Variants in GAB1 observed in about 807,000 individuals in gnomAD.
The protein encoded by GAB1 is GRB2-associated-binding protein 1.
Under a neutral mutation model 66.5 loss-of-function variants are expected in GAB1, and 19 were observed. The observed-to-expected ratio is 0.29, with a 90% CI of 0.20 to 0.42. The LOEUF (loss-of-function observed/expected upper bound fraction) is 0.42. Among genes scored for constraint, GAB1 ranks in the 10% least tolerant of loss-of-function variants. GAB1 has a pLI of 1.00. For synonymous variants in GAB1, 294 were observed against 301.4 expected (o/e 0.98, Z 0.25); for missense variants, 732 against 858.5 (o/e 0.85, Z 1.84).
intron 1 of GAB1, among the ~76,000 whole-genome samples, chr4:143,378,629 G>GTCTCTCTCTCTCTCTCTCTC (rs3049720): frequency 4.6e-5 from 6 of 129,234 alleles, no homozygotes; most frequent in East Asian, 4.7e-4. Flanking sequence ...CTTCCAAAGT[G>GTCTCTCTCTCTCTCTCTCTC]TCTCTCTCTC....
intron 1 of GAB1, among the ~76,000 whole-genome samples, chr4:143,354,863 T>G (rs1384703551): frequency 3.9e-5 from 6 of 152,214 alleles, no homozygotes; most frequent in Non-Finnish European, 8.8e-5. Context: ...ACAATACATT[T>G]TTTAGCAAAT....
At chr4:143,392,204 A>T (rs1245316912) in intron 1 of GAB1, among the ~76,000 whole-genome samples, 1 of 152,210 alleles carries the variant, frequency 6.6e-6, no homozygotes, top group Non-Finnish European at 1.5e-5. Context: ...GTTAATAGGG[A>T]AGAAAGTAGA....
chr4:143,466,038 T>TC, intron 8 of GAB1, 65 bp from the exon 9 acceptor site: 1 of 1,574,300 alleles, frequency 6.4e-7, no homozygotes, highest in South Asian at 1.2e-5. Flanking sequence ...CCGTAGATGT[T>TC]CAACAGTACG....
At chr4:143,457,901 A>G in intron 6 of GAB1, 4 of 587,376 alleles carry the variant, frequency 6.8e-6, no homozygotes, top group Non-Finnish European at 1.2e-5. Context: ...CCTGCACATT[A>G]TTTCTAAAGT....
At chr4:143,374,936 TA>T (rs1407878665) in intron 1 of GAB1, among the ~76,000 whole-genome samples, 1 of 152,216 alleles carries the variant, frequency 6.6e-6, no homozygotes, top group Non-Finnish European at 1.5e-5. Context: ...ATTCTTGGAA[TA>T]CTTTTTCAAG....
intron 6 of GAB1, among the ~76,000 whole-genome samples, chr4:143,452,520 A>G (rs1019637159): frequency 6.6e-6 from 1 of 152,232 alleles, no homozygotes; most frequent in Non-Finnish European, 1.5e-5. Context: ...TATTAGACCA[A>G]GAATCCAAAA....
rs1205834995 is a variant in GAB1 at position 143,459,432 on chromosome 4, T to C, written c.1633T>C (p.Leu545=). Residue 545 remains leucine (L), a synonymous_variant, in exon 7 of 10, where the codon TTA becomes CTA. Transcript: ENST00000262994. ...EIKPLPEWEE[L]QAPVRSPITR... ...AAAACCTTTGCCAGAATGGGAAGAATTACAAGCCCCAGTTAGATCTCCCAT... is the reference window on the plus strand; with the variant it reads ...AAAACCTTTGCCAGAATGGGAAGAACTACAAGCCCCAGTTAGATCTCCCAT... 1 of 1,610,894 alleles carries C rather than the reference T, an allele frequency of 6.2e-7. No homozygotes were observed. The highest frequency in any genetic ancestry group is 1.7e-5 in the Admixed American group (1 of 60,004).
At chr4:143,370,730 G>C (rs1730084475) in intron 1 of GAB1, among the ~76,000 whole-genome samples, 1 of 152,128 alleles carries the variant, frequency 6.6e-6, no homozygotes, top group Non-Finnish European at 1.5e-5. Flanking sequence ...CCCGGGGTGT[G>C]ATGTTCCCTG....
Position 143,438,127 on chromosome 4 carries a change from T to C in GAB1, c.722T>C (p.Ile241Thr). ...GMNGFFQQQMIYDSPPSRAPS... is the reference protein window; with the variant it reads ...GMNGFFQQQMTYDSPPSRAPS... ...AATGGCTTTTTTCAGCAGCAAATGA[T>C]ATACGACTCTCCACCTTCACGTGCC... The change falls in exon 4 of 10, where the codon ATA becomes ACA. Residue 241 changes from isoleucine (I) to threonine (T), a missense_variant. This residue lies in a region of GAB1 where 427 missense variants were observed against 420.6 expected (regional missense o/e 1.02). Transcript: ENST00000262994. 1 of 1,614,120 alleles carries C rather than the reference T, an allele frequency of 6.2e-7. No homozygotes were observed. Among genetic ancestry groups the C allele is most frequent in the Non-Finnish European group, 8.5e-7 (1 of 1,180,018 alleles).
chr4:143,356,043 A>G (rs1729432835), intron 1 of GAB1, among the ~76,000 whole-genome samples: 1 of 151,902 alleles, frequency 6.6e-6, no homozygotes, highest in African/African-American at 2.4e-5. Context: ...GTCTGTGTGG[A>G]TGAAGAAACA....
In GAB1 at chr4:143,360,400, TAAAAAACC is replaced by T. The variant is rs557827044; in HGVS notation, c.72+23141_72+23148del. On this transcript the variant is annotated intron_variant, in intron 1 of 9. Transcript: ENST00000262994. The stretch of plus-strand genomic sequence containing the variant: ...AAGTTTTGTTTTTTGAACTAAAGGT[TAAAAAACC>T]TGCATTCATGGAATTGTTGCCTTTT... Among the ~76,000 whole-genome samples the T allele has an allele frequency of 2.3e-3, 354 of 152,316 alleles. 1 individual carries two copies. Among genetic ancestry groups the T allele is most frequent in the African/African-American group, 8.1e-3 (337 of 41,560 alleles).
At chr4:143,434,748 T>C (rs1733855645) in intron 3 of GAB1, among the ~76,000 whole-genome samples, 2 of 152,186 alleles carry the variant, frequency 1.3e-5, no homozygotes, top group African/African-American at 4.8e-5. Context: ...TTGGTTTCTC[T>C]ACCATCTCCT....
intron 6 of GAB1, among the ~76,000 whole-genome samples, chr4:143,447,468 C>T (rs1210375585): frequency 6.6e-6 from 1 of 152,136 alleles, no homozygotes. Context: ...TCTTTTATTT[C>T]TTTGAGCAGT....
rs759509438 is a variant in GAB1, at chr4:143,415,472, T to C, written c.73-5T>C. ...ACTGAATGGATATTTTTGTTTTGTT[T>C]CTAGGCATGGAAGAGGAGATGGTTC... On this transcript the variant is annotated splice_region_variant and splice_polypyrimidine_tract_variant and intron_variant, in intron 1 of 9. Transcript: ENST00000262994. 1 of 1,588,118 alleles carries C rather than the reference T, an allele frequency of 6.3e-7. No homozygotes were observed. The highest frequency in any genetic ancestry group is 1.4e-5 in the African/African-American group (1 of 74,014).
chr4:143,399,940 CT>C (rs34740795), intron 1 of GAB1, among the ~76,000 whole-genome samples: 343 of 134,712 alleles, frequency 2.5e-3, no homozygotes, highest in African/African-American at 7.1e-3. Context: ...GAGTCTTGCT[CT>C]TTTTTTTTTT....
intron 2 of GAB1, chr4:143,424,967 A>T (rs954781779): frequency 6.0e-5 from 37 of 619,438 alleles, no homozygotes; most frequent in Non-Finnish European, 9.7e-5. Flanking sequence ...AAAAAGAAAA[A>T]AAAAGGCCTT....
intron 1 of GAB1, among the ~76,000 whole-genome samples, chr4:143,367,446 C>A (rs56352863): frequency 0.11 from 16,902 of 151,728 alleles, 1,141 homozygotes; most frequent in South Asian, 0.2. Flanking sequence ...GTTGGTGAAA[C>A]GAAGAAAATG....
chr4:143,464,485 C>T (rs1427889065), intron 8 of GAB1, among the ~76,000 whole-genome samples: 1 of 152,192 alleles, frequency 6.6e-6, no homozygotes, highest in East Asian at 1.9e-4. Context: ...CCGCCTCAGC[C>T]TCCCAAAGTG....
intron 1 of GAB1, among the ~76,000 whole-genome samples, chr4:143,388,756 A>G (rs974309099): frequency 6.6e-6 from 1 of 152,180 alleles, no homozygotes; most frequent in Non-Finnish European, 1.5e-5. Flanking sequence ...GCCACTTAAG[A>G]TCTTAAAAAC....
Sources: gnomAD v4.1 joint callset for allele counts (sites outside exome capture counted in the v4.1 genomes callset) on GRCh38, gnomAD v4.1.1 for gene constraint, gnomAD v4.1.1 regional missense constraint, MANE v1.5 for transcripts, NCBI Gene and HGNC (gene_info 2026-07-23, HGNC 2026-07-21) for gene names.